B3GALNT2: variants seen among roughly 807,000 people sequenced by gnomAD.
B3GALNT2 encodes the protein beta-1,3-N-acetylgalactosaminyltransferase 2.
Under a neutral mutation model 61.1 loss-of-function variants are expected in B3GALNT2, and 53 were observed. The observed-to-expected ratio is 0.87, with a 90% CI of 0.70 to 1.09. The LOEUF is 1.09. Among genes scored for constraint, B3GALNT2 ranks in the 50% least tolerant of loss-of-function variants. The probability of loss-of-function intolerance (pLI) is 0.00; values close to 1 mark genes in which losing one functional copy is unlikely to be tolerated. For missense variants in B3GALNT2, 544 were observed against 623.0 expected (o/e 0.87, Z 1.35); for synonymous variants, 223 against 237.4 (o/e 0.94, Z 0.56).
intron 3 of B3GALNT2, among the ~76,000 whole-genome samples, chr1:235,485,028 A>G (rs564368399): frequency 6.6e-6 from 1 of 152,372 alleles, no homozygotes; most frequent in South Asian, 2.1e-4. Flanking sequence ...TAACACTGAA[A>G]AACTCTTGCT....
At chr1:235,465,056 G>T (rs1483130525) in intron 7 of B3GALNT2, 1 of 152,140 alleles carries the variant, frequency 6.6e-6, no homozygotes, top group East Asian at 1.9e-4. Context: ...TATGACCCAG[G>T]TCTTCTACTC....
chr1:235,454,965 A>C (rs1463631978), intron 9 of B3GALNT2, among the ~76,000 whole-genome samples: 1 of 152,180 alleles, frequency 6.6e-6, no homozygotes, highest in Non-Finnish European at 1.5e-5. Flanking sequence ...GAGACGTGTC[A>C]CAAACGTACT....
chr1:235,455,761 T>C, intron 8 of B3GALNT2, 77 bp from the exon 9 acceptor site: 2 of 1,461,228 alleles, frequency 1.4e-6, no homozygotes, highest in Non-Finnish European at 1.9e-6. Flanking sequence ...ACTAACACTT[T>C]CATTCAAAAC....
At position 235,504,242 on chromosome 1, in the gene B3GALNT2, C is replaced by T; in HGVS notation, c.11G>A (p.Trp4Ter). The change falls in exon 1 of 12, where the codon TGG becomes TAG. Residue 4 changes from tryptophan (W) to a stop codon, truncating the protein, a stop_gained. Transcript: ENST00000366600. LOFTEE classifies it high-confidence loss of function. The part of the protein sequence containing the change: MRN[W>*]LVLLCPCVLG... ...CACACACGGGCACAGCAGCACCAGC[C>T]AGTTTCGCATTGGCCGCCCCCGCCG... 2 of 1,486,648 alleles carry T rather than the reference C, an allele frequency of 1.3e-6. No homozygotes were observed. Among genetic ancestry groups the T allele is most frequent in the East Asian group, 2.9e-5 (1 of 34,072 alleles). The allele number at this position is 1,486,648 out of a possible 1,614,324, so 92.1% of individuals were successfully genotyped here. A position where few individuals can be genotyped will look rare whatever the true frequency, so the allele number is the denominator to read the frequency against.
chr1:235,474,972 TATATATA>T (rs1395464787), intron 5 of B3GALNT2, among the ~76,000 whole-genome samples: 1,482 of 40,150 alleles, frequency 0.037, 119 homozygotes, highest in South Asian at 0.063. Flanking sequence ...TATATATATA[TATATATA>T]TATATATATT....
intron 4 of B3GALNT2, among the ~76,000 whole-genome samples, chr1:235,481,376 G>T (rs1684558583): frequency 6.6e-6 from 1 of 152,296 alleles, no homozygotes; most frequent in South Asian, 2.1e-4. Context: ...GTCTCACTCT[G>T]TCACCTAGGC....
chr1:235,471,037 T>C lies in B3GALNT2; in HGVS notation c.652-77A>G, dbSNP rs1683978707. The stretch of plus-strand genomic sequence containing the variant: ...GTTTTAAGTATGCTTTCAGGCAAGA[T>C]TTTTAGAGAAAATTTTTCCCAAAAC... On this transcript the variant is annotated intron_variant, in intron 5 of 11. Transcript: ENST00000366600. 3.2e-6 allele frequency: 5 copies of C among 1,557,986 alleles called. No homozygotes were observed. In the Admixed American group the frequency reaches 5.9e-5, roughly 19 times the overall value.
At chr1:235,477,893 G>T (rs890508520) in intron 5 of B3GALNT2, among the ~76,000 whole-genome samples, 3 of 152,154 alleles carry the variant, frequency 2.0e-5, no homozygotes, top group Non-Finnish European at 4.4e-5. Context: ...AGCAGTCTAC[G>T]TGTGTTAAAT....
intron 1 of B3GALNT2, among the ~76,000 whole-genome samples, chr1:235,503,499 T>C (rs1685680190): frequency 6.6e-6 from 1 of 152,236 alleles, no homozygotes; most frequent in Non-Finnish European, 1.5e-5. Flanking sequence ...GATATTTCCA[T>C]GTAAACTGCA....
rs1684702121 is a variant in B3GALNT2, at chr1:235,484,416, G to C, written c.461C>G (p.Pro154Arg). Residue 154 changes from proline (P) to arginine (R), a missense_variant, in exon 4 of 12, where the codon CCC becomes CGC. Physicochemically the swap from Pro to Arg is moderately radical, Grantham distance 103 (BLOSUM62 -2). Transcript: ENST00000366600. ...CACTCCAAGACTGGTAATAACGATG[G>C]GGTAGAGAACTCGGAAACTCACGCT... ...VVSVSFRVLY[P>R]IVITSLGVFY... The C allele has an allele frequency of 6.2e-7, 1 of 1,614,062 alleles. No individual in the cohort carries two copies. The highest frequency in any genetic ancestry group is 8.5e-7 in the Non-Finnish European group (1 of 1,180,030).
chr1:235,469,323 G>A (rs961983533), intron 6 of B3GALNT2, among the ~76,000 whole-genome samples: 1 of 152,176 alleles, frequency 6.6e-6, no homozygotes, highest in South Asian at 2.1e-4. Flanking sequence ...CATTGGACAG[G>A]AGATCGAGGA....
At chr1:235,498,843 C>CAAAAAAAAAAAAA (rs57291873) in intron 1 of B3GALNT2, among the ~76,000 whole-genome samples, 23 of 64,118 alleles carry the variant, frequency 3.6e-4, no homozygotes, top group East Asian at 3.6e-3. Flanking sequence ...GACTCCTTCT[C>CAAAAAAAAAAAAA]AAAAAAAAAA....
At chr1:235,483,726 G>A (rs1468821842) in intron 4 of B3GALNT2, among the ~76,000 whole-genome samples, 1 of 152,158 alleles carries the variant, frequency 6.6e-6, no homozygotes, top group Non-Finnish European at 1.5e-5. Flanking sequence ...AGTGGCTATA[G>A]GGTTTACTGA....
At position 235,474,992 on chromosome 1, in the gene B3GALNT2, T is replaced by G. The variant is rs1478912401; in HGVS notation, c.652-4032A>C. Among the ~76,000 whole-genome samples, 316 of 74,528 alleles carry G rather than the reference T, an allele frequency of 4.2e-3. 12 individuals are homozygous for G. The highest frequency in any genetic ancestry group is 0.02 in the African/African-American group (297 of 15,202). 48.9% of individuals were successfully genotyped at this position (74,528 alleles called of 152,430 possible). ...ATATATATATATATATATATATTTTTTTTTTTTTTTTTTTTTTTGAGACGG... is the reference window on the plus strand; with the variant it reads ...ATATATATATATATATATATATTTTGTTTTTTTTTTTTTTTTTTGAGACGG... On this transcript the variant is annotated intron_variant, in intron 5 of 11. Coordinates refer to ENST00000366600, the MANE Select transcript of B3GALNT2 (RefSeq NM_152490.5).
chr1:235,442,417 G>A (rs1031660496), downstream of B3GALNT2, among the ~76,000 whole-genome samples: 1 of 152,156 alleles, frequency 6.6e-6, no homozygotes, highest in Admixed American at 6.5e-5. Context: ...AGATCCACCC[G>A]CCTCGGCCTC....
At chr1:235,454,804 T>C (rs1444537138) in intron 9 of B3GALNT2, among the ~76,000 whole-genome samples, 1 of 152,170 alleles carries the variant, frequency 6.6e-6, no homozygotes, top group African/African-American at 2.4e-5. Context: ...AGATAAAAGA[T>C]TGGTTATGTT....
rs375263038 is a variant in B3GALNT2 at position 235,447,546 on chromosome 1, G to A, written c.*2660C>T. ...CATGATGTAATTACAGAATGGCGGC[G>A]CTGGAAGGGACCTTGTAGATCATTT... On this transcript the variant is annotated 3_prime_UTR_variant, in exon 12 of 12. Coordinates refer to ENST00000366600, the MANE Select transcript of B3GALNT2 (RefSeq NM_152490.5). Among the ~76,000 whole-genome samples, 233 of 152,174 alleles carry A rather than the reference G, an allele frequency of 1.5e-3. No homozygotes were observed. Among genetic ancestry groups the A allele is most frequent in the Admixed American group, 2.6e-3 (40 of 15,276 alleles).
At chr1:235,496,291 AC>A in intron 1 of B3GALNT2, 1 of 753,890 alleles carries the variant, frequency 1.3e-6, no homozygotes, top group South Asian at 2.1e-5. Context: ...AGCCTGGGCA[AC>A]AAGAGTGAGA....
downstream of B3GALNT2, among the ~76,000 whole-genome samples, chr1:235,443,344 G>A (rs1213750795): frequency 1.3e-5 from 2 of 151,988 alleles, no homozygotes; most frequent in African/African-American, 4.8e-5. Flanking sequence ...GGGACTACAC[G>A]TGCGAGCCAC....
Sources: gnomAD v4.1 joint callset for allele counts (sites outside exome capture counted in the v4.1 genomes callset) on GRCh38, gnomAD v4.1.1 for gene constraint, MANE v1.5 for transcripts, NCBI Gene and HGNC (gene_info 2026-07-23, HGNC 2026-07-21) for gene names.